PER2: variants seen among roughly 807,000 people sequenced by gnomAD.
PER2 encodes the protein period circadian protein homolog 2.
Under a neutral mutation model 121.0 loss-of-function variants are expected in PER2, and 66 were observed. The observed-to-expected ratio is 0.55, with a 90% CI of 0.45 to 0.67. The LOEUF is 0.67. Ranked by LOEUF, PER2 falls within the 30% of genes least tolerant of loss-of-function variation. The pLI is 0.00. For missense variants in PER2, 1,521 were observed against 1,635.0 expected (o/e 0.93, Z 1.20); for synonymous variants, 684 against 659.9 (o/e 1.04, Z -0.56).
rs758749027 is a variant in PER2 at position 238,260,010 on chromosome 2, T to A, written c.1586A>T (p.Tyr529Phe). 1.1e-5 allele frequency: 17 copies of A among 1,509,266 alleles called. No homozygotes were observed. Among genetic ancestry groups the A allele is most frequent in the Admixed American group, 3.4e-5 (2 of 58,352 alleles). The allele number at this position is 1,509,266 out of a possible 1,614,324, so 93.5% of individuals were successfully genotyped here. A position where few individuals can be genotyped will look rare whatever the true frequency, so the allele number is the denominator to read the frequency against. ...CTTTTGTTCTCCAGATTCATGAGAA[T>A]AATGACTTCTATTTTTGGTCTTGTT... ...NGNKTKNRSH[Y>F]SHESGEQKKK... The change falls in exon 14 of 23, where the codon TAT becomes TTT. Residue 529 changes from tyrosine to phenylalanine, a missense_variant. Tyr to Phe is a conservative substitution (Grantham distance 22). Coordinates refer to ENST00000254657, the MANE Select transcript of PER2 (RefSeq NM_022817.3).
rs903217529 is a variant in PER2, at chr2:238,252,836, C to T, written c.3111+76G>A. On this transcript the variant is annotated intron_variant, in intron 19 of 22. Coordinates refer to ENST00000254657, the MANE Select transcript of PER2 (RefSeq NM_022817.3). The surrounding 1 kb of genome is among the most constrained non-coding windows in gnomAD (Gnocchi z 4.2). ...CAATCGTGTAACCCCCATGTCTGAA[C>T]TGAGGATGTGCGGCCGGCCTGCCAG... The T allele has an allele frequency of 7.9e-7, 1 of 1,271,994 alleles. No individual in the cohort carries two copies. The highest frequency in any genetic ancestry group is 1.5e-5 in the African/African-American group (1 of 68,662). 78.8% of individuals were successfully genotyped at this position (1,271,994 alleles called of 1,614,324 possible). A position where few individuals can be genotyped will look rare whatever the true frequency, so the allele number is the denominator to read the frequency against.
rs1168063837 is a variant in PER2, at chr2:238,245,089, T to A, written c.*1286A>T. 1 of 151,584 alleles carries A rather than the reference T, an allele frequency of 6.6e-6. No homozygotes were observed. Among genetic ancestry groups the A allele is most frequent in the African/African-American group, 2.4e-5 (1 of 41,162 alleles). 9.4% of individuals were successfully genotyped at this position (151,584 alleles called of 1,614,324 possible). A position where few individuals can be genotyped will look rare whatever the true frequency, so the allele number is the denominator to read the frequency against. On this transcript the variant is annotated 3_prime_UTR_variant, in exon 23 of 23. Coordinates refer to ENST00000254657, the MANE Select transcript of PER2 (RefSeq NM_022817.3). Reference sequence around the variant, plus strand: ...AAAAAAAGAAAACCCTGGTCCCTTTTAAGCCTCATAGTCTTGGTCCAATTT... The same window carrying A: ...AAAAAAAGAAAACCCTGGTCCCTTTAAAGCCTCATAGTCTTGGTCCAATTT...
intron 17 of PER2, among the ~76,000 whole-genome samples, chr2:238,256,553 T>C (rs1433399279): frequency 6.6e-6 from 1 of 152,210 alleles, no homozygotes; most frequent in Non-Finnish European, 1.5e-5. Context: ...CGGTCGCACC[T>C]TCTGCTGGGC....
At chr2:238,285,535 C>G (rs775182292) in intron 1 of PER2, among the ~76,000 whole-genome samples, 3 of 152,244 alleles carry the variant, frequency 2.0e-5, no homozygotes, top group South Asian at 2.1e-4. Context: ...TAAAGTCTTA[C>G]TGTACTCAAT....
the PER2 span, chr2:238,295,254 C>T: frequency 2.6e-5 from 4 of 151,858 alleles, no homozygotes; most frequent in Non-Finnish European, 5.9e-5. Context: ...TCTTCTTCTC[C>T]TTCTCCTTCT....
At chr2:238,261,267 G>A (rs993482078) in intron 12 of PER2, among the ~76,000 whole-genome samples, 1 of 152,234 alleles carries the variant, frequency 6.6e-6, no homozygotes, top group Admixed American at 6.5e-5. Context: ...AACAAGATGC[G>A]ATGACAGCTT....
chr2:238,281,358 T>C (rs886578179), intron 1 of PER2, among the ~76,000 whole-genome samples: 1 of 152,188 alleles, frequency 6.6e-6, no homozygotes, highest in African/African-American at 2.4e-5. Flanking sequence ...GGAGGAAATC[T>C]CAATTACAGG....
At position 238,253,509 on chromosome 2, in the gene PER2, C is replaced by T. The variant is rs751031863; in HGVS notation, c.2514G>A (p.Gln838=). Residue 838 remains glutamine (Q), a synonymous_variant, in exon 19 of 23, where the codon CAG becomes CAA. Transcript: ENST00000254657. This position sits in a 1 kb window ranked among gnomAD's most constrained non-coding sequence, Gnocchi z 5.6. ...GAAAGGGCACGGCTGGGCAGCTGGA[C>T]TGGGACGTGTCTGAGGGTGACCAGG... is the stretch of plus-strand genomic sequence containing the variant. ...ATAWSPSDTS[Q]SSCPAVPFPA... The T allele has an allele frequency of 3.1e-6, 5 of 1,611,828 alleles. No homozygotes were observed. The highest frequency in any genetic ancestry group is 4.2e-6 in the Non-Finnish European group (5 of 1,179,374).
intron 4 of PER2, 105 bp from the exon 5 acceptor site, chr2:238,273,296 G>A (rs1574855737): frequency 5.7e-6 from 7 of 1,225,912 alleles, no homozygotes; most frequent in Non-Finnish European, 8.1e-6. Context: ...AAATGAAAAG[G>A]TAGGATATAA....
intron 21 of PER2, 120 bp from the exon 22 acceptor site, chr2:238,249,332 A>C: frequency 9.7e-7 from 1 of 1,034,186 alleles, no homozygotes; most frequent in Non-Finnish European, 1.4e-6. Flanking sequence ...TTTTCTTTAA[A>C]AAAATTTTCA....
chr2:238,299,961 T>C, the PER2 span: 1 of 152,234 alleles, frequency 6.6e-6, no homozygotes, highest in African/African-American at 2.4e-5. Flanking sequence ...ATTGCAAAGC[T>C]AATGTGTGCC....
upstream of PER2, among the ~76,000 whole-genome samples, chr2:238,292,747 T>C (rs1696969799): frequency 6.6e-6 from 1 of 151,788 alleles, no homozygotes; most frequent in Admixed American, 6.6e-5. Context: ...TCTCTTTTTT[T>C]TTTTTTTTAA....
intron 12 of PER2, 140 bp from the exon 13 acceptor site, chr2:238,261,093 T>C: frequency 9.7e-7 from 1 of 1,026,924 alleles, no homozygotes; most frequent in Non-Finnish European, 1.4e-6. Flanking sequence ...GGAGCTGAGG[T>C]TTGAACCCCA....
At chr2:238,284,158 C>T (rs931339477) in intron 1 of PER2, among the ~76,000 whole-genome samples, 6 of 152,170 alleles carry the variant, frequency 3.9e-5, no homozygotes, top group African/African-American at 1.2e-4. Flanking sequence ...GAAAAACAGA[C>T]GGCGGCTGGG....
At chr2:238,295,268 TTC>T in the PER2 span, 1 of 145,796 alleles carries the variant, frequency 6.9e-6, no homozygotes, top group Non-Finnish European at 1.5e-5. Context: ...TCCTTCTTTC[TTC>T]TTCTTCTCCT....
chr2:238,277,998 C>T (rs1696510733), intron 1 of PER2, 43 bp from the exon 2 acceptor site: 2 of 1,585,360 alleles, frequency 1.3e-6, no homozygotes, highest in African/African-American at 1.3e-5. Context: ...CAAGCACACG[C>T]ACAAGGGGCG....
chr2:238,246,357 G>A lies in PER2; in HGVS notation c.*18C>T. On this transcript the variant is annotated 3_prime_UTR_variant, in exon 23 of 23. Coordinates refer to ENST00000254657, the MANE Select transcript of PER2 (RefSeq NM_022817.3). ...CCTGGTGTACCTCGCTGGCTGCCGG[G>A]CTGAGGTGGGGCAGGGGTTACGTCT... 1 of 1,581,660 alleles carries A rather than the reference G, an allele frequency of 6.3e-7. No homozygotes were observed. The highest frequency in any genetic ancestry group is 8.6e-7 in the Non-Finnish European group (1 of 1,160,522).
chr2:238,278,602 T>C (rs1335014310), intron 1 of PER2, among the ~76,000 whole-genome samples: 4 of 152,186 alleles, frequency 2.6e-5, no homozygotes, highest in Non-Finnish European at 4.4e-5. Flanking sequence ...ATAGGTGATC[T>C]GCCTTTTATA....
chr2:238,259,122 C>A (rs1254944176), intron 14 of PER2, among the ~76,000 whole-genome samples: 1 of 152,218 alleles, frequency 6.6e-6, no homozygotes, highest in Non-Finnish European at 1.5e-5. Flanking sequence ...CCCCTAGGGA[C>A]CCTCAAGCAA....
Sources: allele counts gnomAD v4.1 joint callset (sites outside exome capture counted in the v4.1 genomes callset), GRCh38; gene constraint gnomAD v4.1.1; non-coding constraint Gnocchi (gnomAD v3.1); transcripts MANE v1.5; gene names NCBI Gene and HGNC (gene_info 2026-07-23, HGNC 2026-07-21).